Variants in MTMR12 observed in about 807,000 individuals in gnomAD.
MTMR12 encodes myotubularin related protein 12.
MTMR12 carries 33 observed loss-of-function variants against 96.7 expected under a neutral mutation model. That is an observed-to-expected ratio of 0.34 (90% CI 0.26 to 0.46). The LOEUF is 0.46. MTMR12 is among the 20% of genes least tolerant of loss of function. The pLI is 1.00. For missense variants in MTMR12, 721 were observed against 896.1 expected (o/e 0.80, Z 2.49); for synonymous variants, 298 against 327.2 (o/e 0.91, Z 0.96).
Position 32,263,220 on chromosome 5 carries a change from G to A in MTMR12, c.606C>T (p.Thr202=), listed in dbSNP as rs774256407. The change falls in exon 7 of 16, where the codon ACC becomes ACT. Residue 202 remains threonine, a synonymous_variant. Transcript: ENST00000382142. ...AGTCCTTAAGTGTGTCAAACATTAC[G>A]GTATGGTTCTTGGGATCAGTGACTA... ...NNTVTDPKNH[T]VMFDTLKDWC... 136 of 1,613,988 alleles carry A rather than the reference G, an allele frequency of 8.4e-5. 2 individuals are homozygous for A. In the South Asian group the frequency reaches 1.1e-3, roughly 13 times the overall value.
chr5:32,276,606 T>A lies in MTMR12; in HGVS notation c.142+76A>T, dbSNP rs184967366. The A allele has an allele frequency of 1.0e-5, 13 of 1,260,824 alleles. No individual in the cohort carries two copies. The East Asian group carries it at 3.0e-4, about 29-fold the overall frequency. 78.1% of individuals were successfully genotyped at this position (1,260,824 alleles called of 1,614,324 possible). ...AGATGAAAACAAAGGAGTTTAAATA[T>A]AGCAAGGCTAGGGATGATGTAATTT... On this transcript the variant is annotated intron_variant, in intron 2 of 15. Coordinates refer to ENST00000382142, the MANE Select transcript of MTMR12 (RefSeq NM_001040446.3).
intron 1 of MTMR12, among the ~76,000 whole-genome samples, chr5:32,281,652 A>C (rs1406375806): frequency 6.6e-6 from 1 of 152,000 alleles, no homozygotes; most frequent in Non-Finnish European, 1.5e-5. Flanking sequence ...CTGTAATCCC[A>C]GCACTCTGGG....
At chr5:32,258,759 G>C (rs909819959) in intron 7 of MTMR12, among the ~76,000 whole-genome samples, 1 of 152,126 alleles carries the variant, frequency 6.6e-6, no homozygotes, top group East Asian at 1.9e-4. Context: ...ACCAGATCCT[G>C]AGCTCCTTCC....
At chr5:32,265,727 A>T (rs1437106969) in intron 6 of MTMR12, among the ~76,000 whole-genome samples, 9 of 152,226 alleles carry the variant, frequency 5.9e-5, no homozygotes, top group Non-Finnish European at 1.0e-4. Context: ...TAATTCTCTA[A>T]GCATAATCTG....
At chr5:32,247,793 A>C (rs1031692837) in intron 10 of MTMR12, 12 of 985,334 alleles carry the variant, frequency 1.2e-5, no homozygotes, top group Non-Finnish European at 1.3e-5. Context: ...GATCACTGCC[A>C]CAATAAGGAG....
At chr5:32,276,827 A>T (rs1459260783) in intron 1 of MTMR12, 85 bp from the exon 2 acceptor site, 1 of 980,492 alleles carries the variant, frequency 1.0e-6, no homozygotes, top group African/African-American at 1.6e-5. Flanking sequence ...AATACACACT[A>T]AAATATCACA....
chr5:32,229,676 G>A lies in MTMR12; in HGVS notation c.*102C>T, dbSNP rs112050634. ...CCCAGGTTTATTCTAACGGAGTGCC[G>A]GGCTAAGGACCCAGCCAGCATGAGC... On this transcript the variant is annotated 3_prime_UTR_variant, in exon 16 of 16. Coordinates refer to ENST00000382142, the MANE Select transcript of MTMR12 (RefSeq NM_001040446.3). The A allele has an allele frequency of 3.9e-5, 45 of 1,165,408 alleles. No homozygotes were observed. In the East Asian group the frequency reaches 5.4e-4, roughly 14 times the overall value. 72.2% of individuals were successfully genotyped at this position (1,165,408 alleles called of 1,614,324 possible).
At chr5:32,304,228 G>A (rs1283392172) in intron 1 of MTMR12, among the ~76,000 whole-genome samples, 4 of 152,006 alleles carry the variant, frequency 2.6e-5, no homozygotes, top group Admixed American at 6.6e-5. Flanking sequence ...GCTGAGGCAG[G>A]AGAATCGCTT....
At position 32,310,360 on chromosome 5, in the gene MTMR12, T is replaced by C. The variant is rs183459429; in HGVS notation, c.81+2398A>G. Among the ~76,000 whole-genome samples, 95 of 152,310 alleles carry C rather than the reference T, an allele frequency of 6.2e-4. 2 individuals are homozygous for C. The East Asian group carries it at 0.013, about 21-fold the overall frequency. ...AGAGAAATCTGCACTCCCATGTTTA[T>C]TACAACACTATTCACCACAGCCAAG... On this transcript the variant is annotated intron_variant, in intron 1 of 15. Coordinates refer to ENST00000382142, the MANE Select transcript of MTMR12 (RefSeq NM_001040446.3).
chr5:32,235,816 G>A (rs890679513), intron 13 of MTMR12, among the ~76,000 whole-genome samples: 1 of 152,208 alleles, frequency 6.6e-6, no homozygotes, highest in Non-Finnish European at 1.5e-5. Context: ...GTAGTTTCTA[G>A]TGTGCTTTAT....
At chr5:32,247,896 C>T (rs1748763548) in intron 10 of MTMR12, 106 bp downstream of exon 10, 12 of 1,472,484 alleles carry the variant, frequency 8.1e-6, no homozygotes, top group East Asian at 2.3e-5. Flanking sequence ...CTGGGCTCTG[C>T]GTACTAACGT....
At chr5:32,253,458 G>A (rs114213859) in intron 8 of MTMR12, among the ~76,000 whole-genome samples, 2,203 of 152,174 alleles carry the variant, frequency 0.014, 63 homozygotes, top group African/African-American at 0.049. Context: ...GAAAAGAGAG[G>A]GAGAAAGAGA....
At chr5:32,285,241 C>T (rs1212272509) in intron 1 of MTMR12, among the ~76,000 whole-genome samples, 1 of 151,910 alleles carries the variant, frequency 6.6e-6, no homozygotes, top group African/African-American at 2.4e-5. Flanking sequence ...ACCAGTAATC[C>T]CAGCTACTTG....
intron 10 of MTMR12, among the ~76,000 whole-genome samples, chr5:32,247,234 C>G (rs956046040): frequency 1.3e-5 from 2 of 152,088 alleles, no homozygotes; most frequent in Admixed American, 6.5e-5. Flanking sequence ...CCTGTAATCC[C>G]AGCTACTTGG....
At chr5:32,279,268 A>G (rs142674239) in intron 1 of MTMR12, among the ~76,000 whole-genome samples, 219 of 151,966 alleles carry the variant, frequency 1.4e-3, no homozygotes, top group African/African-American at 5.1e-3. Context: ...AAAAATTAAA[A>G]AATCATCCAG....
intron 7 of MTMR12, among the ~76,000 whole-genome samples, chr5:32,256,829 G>A (rs938052858): frequency 6.6e-6 from 1 of 152,204 alleles, no homozygotes; most frequent in Non-Finnish European, 1.5e-5. Context: ...CAAAACCCAG[G>A]CTGTGGAAAA....
intron 1 of MTMR12, among the ~76,000 whole-genome samples, chr5:32,299,046 C>T (rs1170855236): frequency 3.3e-5 from 5 of 151,604 alleles, no homozygotes; most frequent in Non-Finnish European, 5.9e-5. Flanking sequence ...AGAACACACA[C>T]ATGAATGCGC....
intron 5 of MTMR12, among the ~76,000 whole-genome samples, chr5:32,269,439 G>A (rs568864447): frequency 1.7e-4 from 26 of 151,994 alleles, no homozygotes; most frequent in Non-Finnish European, 3.4e-4. Context: ...GAGTAGCTGC[G>A]ATTATAGGCA....
intron 1 of MTMR12, among the ~76,000 whole-genome samples, chr5:32,306,469 C>A (rs982870058): frequency 5.3e-5 from 8 of 152,114 alleles, no homozygotes; most frequent in African/African-American, 1.9e-4. Flanking sequence ...CTTCTCCTGA[C>A]CAAAAGAAAT....
Sources: allele counts gnomAD v4.1 joint callset (sites outside exome capture counted in the v4.1 genomes callset), GRCh38; gene constraint gnomAD v4.1.1; transcripts MANE v1.5; gene names NCBI Gene and HGNC (gene_info 2026-07-23, HGNC 2026-07-21).